RALY: variants seen among roughly 807,000 people sequenced by gnomAD.
RALY encodes RNA-binding protein Raly.
Under a neutral mutation model 30.7 loss-of-function variants are expected in RALY, and 15 were observed. The ratio of observed to expected loss-of-function variants is 0.49; its 90% confidence interval spans 0.33 to 0.75. The LOEUF (loss-of-function observed/expected upper bound fraction) is 0.75, where lower values mean the gene tolerates loss of function less well. RALY is among the 30% of genes least tolerant of loss of function. RALY has a pLI of 0.02. For missense variants in RALY, 339 were observed against 414.3 expected, an observed-to-expected ratio of 0.82 and a Z score of 1.58; for synonymous variants, 177 against 170.8, an observed-to-expected ratio of 1.04 and a Z score of -0.28.
At chr20:34,025,469 A>G (rs957599395) in intron 1 of RALY, among the ~76,000 whole-genome samples, 1 of 151,792 alleles carries the variant, frequency 6.6e-6, no homozygotes, top group Admixed American at 6.6e-5. Context: ...ACACCCAGCT[A>G]ATTTTTGTAT....
At chr20:34,056,789 G>A (rs145604782) in intron 2 of RALY, among the ~76,000 whole-genome samples, 22 of 152,316 alleles carry the variant, frequency 1.4e-4, no homozygotes, top group African/African-American at 5.1e-4. Flanking sequence ...ATGGTGCTGC[G>A]AGGTTGCCAT....
At chr20:34,028,736 A>G (rs1410826252) in intron 1 of RALY, among the ~76,000 whole-genome samples, 3 of 136,988 alleles carry the variant, frequency 2.2e-5, no homozygotes, top group African/African-American at 8.5e-5. Context: ...AAAAAAAAAC[A>G]TGGCAGAGAG....
At chr20:34,021,927 T>A (rs10084534) in intron 1 of RALY, among the ~76,000 whole-genome samples, 3,035 of 149,344 alleles carry the variant, frequency 0.02, 63 homozygotes, top group African/African-American at 0.054. Flanking sequence ...AAAAAAAAAT[T>A]TTTTTTTAAA....
chr20:34,076,629 A>G (rs1350700061), intron 6 of RALY, 73 bp from the exon 7 acceptor site: 2 of 1,289,978 alleles, frequency 1.6e-6, no homozygotes, highest in African/African-American at 1.5e-5. Flanking sequence ...TTGAAAGAAC[A>G]GGGCTGAGGT....
At chr20:34,018,170 G>A (rs745632430) in intron 1 of RALY, among the ~76,000 whole-genome samples, 2 of 152,248 alleles carry the variant, frequency 1.3e-5, no homozygotes, top group South Asian at 2.1e-4. Flanking sequence ...ACTGCTCTGA[G>A]CCCTTATCCT....
At chr20:34,005,053 T>C (rs969538093) in intron 1 of RALY, among the ~76,000 whole-genome samples, 7 of 152,220 alleles carry the variant, frequency 4.6e-5, no homozygotes, top group South Asian at 2.1e-4. Context: ...CCCTGCCTCC[T>C]TCCAGAGAGC....
At chr20:34,019,322 G>A (rs1022319185) in intron 1 of RALY, among the ~76,000 whole-genome samples, 5 of 151,418 alleles carry the variant, frequency 3.3e-5, no homozygotes, top group African/African-American at 4.9e-5. Context: ...GCGAGACTCT[G>A]TCTCAAAAGA....
intron 2 of RALY, among the ~76,000 whole-genome samples, chr20:34,046,637 T>A (rs1304108905): frequency 6.6e-6 from 1 of 152,190 alleles, no homozygotes; most frequent in Non-Finnish European, 1.5e-5. Context: ...GATTCCATAG[T>A]TGTCTCCAAA....
rs1452476335 is a variant in RALY, at chr20:34,025,703, A to T, written c.-92-5819A>T. On this transcript the variant is annotated intron_variant, in intron 1 of 9. Transcript: ENST00000246194. ...TGCTATTTTAAAAAAAAAAAAAAAA[A>T]TTGTTTTACAAATGTAGGAGATTAT... 2.0e-5 allele frequency among the ~76,000 whole-genome samples: 3 copies of T among 151,522 alleles called. No individual in the cohort carries two copies. The East Asian group carries it at 5.8e-4, about 29-fold the overall frequency.
chr20:34,026,285 G>A (rs996201868), intron 1 of RALY, among the ~76,000 whole-genome samples: 3 of 152,016 alleles, frequency 2.0e-5, no homozygotes, highest in Admixed American at 2.0e-4. Context: ...TTTACAAAGA[G>A]GAATTCCTGC....
At chr20:34,058,253 G>T (rs988896848) in intron 2 of RALY, among the ~76,000 whole-genome samples, 4 of 151,952 alleles carry the variant, frequency 2.6e-5, no homozygotes, top group Admixed American at 2.6e-4. Context: ...TTGTGAAGTT[G>T]CAGGGGTTCA....
At chr20:34,046,931 T>C (rs2032902534) in intron 2 of RALY, among the ~76,000 whole-genome samples, 1 of 151,274 alleles carries the variant, frequency 6.6e-6, no homozygotes, top group African/African-American at 2.4e-5. Context: ...GCAATTCTCC[T>C]GCCTCAGCCT....
intron 9 of RALY, among the ~76,000 whole-genome samples, chr20:34,079,057 G>GC (rs2033972943): frequency 6.6e-6 from 1 of 152,166 alleles, no homozygotes; most frequent in African/African-American, 2.4e-5. Context: ...TGGCTGCAGT[G>GC]CCCCCCTAGT....
At chr20:34,064,393 C>T (rs964369161) in intron 2 of RALY, among the ~76,000 whole-genome samples, 2 of 152,126 alleles carry the variant, frequency 1.3e-5, no homozygotes, top group Admixed American at 6.6e-5. Flanking sequence ...GGGGTATCCT[C>T]TCAGGGCCCA....
At chr20:34,077,454 T>C in intron 8 of RALY, 1 of 1,135,568 alleles carries the variant, frequency 8.8e-7, no homozygotes. Flanking sequence ...CACTGAGGCC[T>C]AGGGCAGACC....
chr20:34,006,833 G>A (rs970656878), intron 1 of RALY, among the ~76,000 whole-genome samples: 2 of 152,128 alleles, frequency 1.3e-5, no homozygotes, highest in African/African-American at 4.8e-5. Flanking sequence ...GTTTGCACAG[G>A]GATGAAATCG....
At position 34,084,122 on chromosome 20, in the gene RALY, G is replaced by A. The variant is rs1316930930; in HGVS notation, c.*4217G>A. 6.6e-6 allele frequency: 1 copy of A among 152,152 alleles called. No homozygotes were observed. Among genetic ancestry groups the A allele is most frequent in the African/African-American group, 2.4e-5 (1 of 41,420 alleles). 9.4% of individuals were successfully genotyped at this position (152,152 alleles called of 1,614,324 possible). On this transcript the variant is annotated 3_prime_UTR_variant, in exon 10 of 10. Coordinates refer to ENST00000246194, the MANE Select transcript of RALY (RefSeq NM_016732.3). ...TTGGCTCACAAATTGTAAAGTCCAG[G>A]GATCTTCAGACATGGGGACTTGGGT...
At chr20:34,036,379 A>G (rs2032497487) in intron 2 of RALY, among the ~76,000 whole-genome samples, 1 of 152,236 alleles carries the variant, frequency 6.6e-6, no homozygotes, top group South Asian at 2.1e-4. Flanking sequence ...CATTGACATT[A>G]CATTAATTGA....
chr20:34,063,799 GTCAC>G (rs887833627), intron 2 of RALY, among the ~76,000 whole-genome samples: 1 of 152,134 alleles, frequency 6.6e-6, no homozygotes, highest in African/African-American at 2.4e-5. Context: ...CTCTTCTGGT[GTCAC>G]TACCCAATGG....
Sources: allele counts gnomAD v4.1 joint callset (sites outside exome capture counted in the v4.1 genomes callset), GRCh38; gene constraint gnomAD v4.1.1; transcripts MANE v1.5; gene names NCBI Gene and HGNC (gene_info 2026-07-23, HGNC 2026-07-21).